The following SNX33 variants were observed in gnomAD, a reference collection of about 807,000 sequenced individuals.
SNX33 encodes sorting nexin-33.
Under a neutral mutation model 38.8 loss-of-function variants are expected in SNX33, and 19 were observed. That is an observed-to-expected ratio of 0.49 (90% confidence interval 0.34 to 0.72). The LOEUF is 0.72. Ranked by LOEUF, SNX33 falls within the 30% of genes least tolerant of loss-of-function variation. SNX33 has a pLI of 0.01. For synonymous variants in SNX33, 246 were observed against 289.7 expected (o/e 0.85, Z 1.53); for missense variants, 641 against 776.4 (o/e 0.83, Z 2.07).
Position 75,648,315 on chromosome 15 carries a change from C to G in SNX33, c.-788C>G. ...GCCTCGTCGCGCCCCCTCCTTCCTC[C>G]GGGGTTGGGGCTGGCCACTTCTGGG... On this transcript the variant is annotated 5_prime_UTR_variant, in exon 1 of 2. Coordinates refer to ENST00000308527, the MANE Select transcript of SNX33 (RefSeq NM_153271.2). The surrounding 1 kb of genome is among the most constrained non-coding windows in gnomAD (Gnocchi z 4.4). 1.0e-6 allele frequency: 1 copy of G among 985,106 alleles called. No homozygotes were observed. Among genetic ancestry groups the G allele is most frequent in the Non-Finnish European group, 1.2e-6 (1 of 829,868 alleles). 61.0% of individuals were successfully genotyped at this position (985,106 alleles called of 1,614,324 possible).
In SNX33 at chr15:75,649,599, G is replaced by A. The variant is rs149404528; in HGVS notation, c.497G>A (p.Arg166Gln). The A allele has an allele frequency of 1.4e-5, 23 of 1,613,724 alleles. No homozygotes were observed. Among genetic ancestry groups the A allele is most frequent in the South Asian group, 5.5e-5 (5 of 91,030 alleles). ...TTCCGGCCCAAGCCACCACTGGAGCGGCAGGACAGCCTGGCATCTGCCAAG... is the reference window on the plus strand; with the variant it reads ...TTCCGGCCCAAGCCACCACTGGAGCAGCAGGACAGCCTGGCATCTGCCAAG... ...MAFRPKPPLE[R>Q]QDSLASAKRG... The change falls in exon 1 of 2, where the codon CGG (arginine) becomes CAG (glutamine). Residue 166 changes from arginine (R) to glutamine (Q), a missense_variant. By Grantham distance (43) the Arg-to-Gln change is conservative (BLOSUM62 1). Transcript: ENST00000308527. This position sits in a 1 kb window ranked among gnomAD's most constrained non-coding sequence, Gnocchi z 6.6.
At position 75,649,793 on chromosome 15, in the gene SNX33, G is replaced by T. The variant is rs777499852; in HGVS notation, c.691G>T (p.Ala231Ser). The T allele has an allele frequency of 1.4e-5, 21 of 1,520,890 alleles. No individual in the cohort carries two copies. The highest frequency in any genetic ancestry group is 1.6e-5 in the Non-Finnish European group (18 of 1,134,050). The allele number at this position is 1,520,890 out of a possible 1,614,324, so 94.2% of individuals were successfully genotyped here. A position where few individuals can be genotyped will look rare whatever the true frequency, so the allele number is the denominator to read the frequency against. ...PQWKANPHPF[A>S]CSVEDPTKQT... is the part of the protein sequence containing the mutation. The stretch of plus-strand genomic sequence containing the variant: ...GTGGAAGGCCAATCCCCACCCATTT[G>T]CCTGCTCTGTGGAGGACCCCACAAA... The change falls in exon 1 of 2, where the codon GCC becomes TCC. Residue 231 changes from alanine to serine, a missense_variant. By Grantham distance (99) the Ala-to-Ser change is moderately conservative (BLOSUM62 1). This residue lies in a region of SNX33 where 398 missense variants were observed against 542.5 expected (regional missense o/e 0.73). Transcript: ENST00000308527. The surrounding 1 kb of genome is among the most constrained non-coding windows in gnomAD (Gnocchi z 6.6).
Position 75,650,977 on chromosome 15 carries a change from T to C in SNX33, c.1471+404T>C, listed in dbSNP as rs1425462794. ...TGCACAGGCCCGGTCTCTGTCCTCA[T>C]GGAGCTTGATATTTACCTTCTTGTC... is the stretch of plus-strand genomic sequence containing the variant. On this transcript the variant is annotated intron_variant, in intron 1 of 1. Coordinates refer to ENST00000308527, the MANE Select transcript of SNX33 (RefSeq NM_153271.2). The surrounding 1 kb of genome is among the most constrained non-coding windows in gnomAD (Gnocchi z 6.1). Among the ~76,000 whole-genome samples the C allele has an allele frequency of 6.6e-6, 1 of 152,238 alleles. No homozygotes were observed. The highest frequency in any genetic ancestry group is 1.9e-4 in the East Asian group (1 of 5,206).
In SNX33 at chr15:75,657,587, G is replaced by A; in HGVS notation, c.*372G>A. The A allele has an allele frequency of 3.2e-6, 1 of 310,358 alleles. No homozygotes were observed. The highest frequency in any genetic ancestry group is 7.1e-5 in the East Asian group (1 of 14,074). 19.2% of individuals were successfully genotyped at this position (310,358 alleles called of 1,614,324 possible). ...AGACACCGAGGCCTGCTGCACCCTT[G>A]GGTCGGATGCTGGGCACCCAGGGCT... On this transcript the variant is annotated 3_prime_UTR_variant, in exon 2 of 2. Transcript: ENST00000308527. This position sits in a 1 kb window ranked among gnomAD's most constrained non-coding sequence, Gnocchi z 5.5.
Position 75,647,916 on chromosome 15 carries a change from T to C in SNX33, c.-1187T>C. Reference sequence around the variant, plus strand: ...AGGACGCCACCTCCCGGAATCGCCTTTTTGTTTTGGAGCTGCCTTCTCGCT... The same window carrying C: ...AGGACGCCACCTCCCGGAATCGCCTCTTTGTTTTGGAGCTGCCTTCTCGCT... On this transcript the variant is annotated 5_prime_UTR_variant, in exon 1 of 2. Coordinates refer to ENST00000308527, the MANE Select transcript of SNX33 (RefSeq NM_153271.2). 9.1e-6 allele frequency: 9 copies of C among 985,258 alleles called. No individual in the cohort carries two copies. Among genetic ancestry groups the C allele is most frequent in the Non-Finnish European group, 1.1e-5 (9 of 829,856 alleles). 61.0% of individuals were successfully genotyped at this position (985,258 alleles called of 1,614,324 possible). A position where few individuals can be genotyped will look rare whatever the true frequency, so the allele number is the denominator to read the frequency against.
rs926066461 is a variant in SNX33, at chr15:75,659,383, A to C, written c.*2168A>C. 1.3e-5 allele frequency: 2 copies of C among 152,500 alleles called. No individual in the cohort carries two copies. The highest frequency in any genetic ancestry group is 2.4e-5 in the African/African-American group (1 of 41,456). The allele number at this position is 152,500 out of a possible 1,614,324, so 9.4% of individuals were successfully genotyped here. A position where few individuals can be genotyped will look rare whatever the true frequency, so the allele number is the denominator to read the frequency against. On this transcript the variant is annotated 3_prime_UTR_variant, in exon 2 of 2. Transcript: ENST00000308527. ...AGGTGCGGTGGGGGAAGGGGCGGGC[A>C]GGACTCCCTGTTCAGGGCATAGCGT...
rs1893520819 is a variant in SNX33 at position 75,648,159 on chromosome 15, G to A, written c.-944G>A. On this transcript the variant is annotated 5_prime_UTR_variant, in exon 1 of 2. Coordinates refer to ENST00000308527, the MANE Select transcript of SNX33 (RefSeq NM_153271.2). This position sits in a 1 kb window ranked among gnomAD's most constrained non-coding sequence, Gnocchi z 4.4. ...GGTCGTAAGTCCCGGGTGAGGAACC[G>A]GTTTCTGCTGGGGTTACCTTTGGAC... The A allele has an allele frequency of 3.0e-6, 3 of 985,618 alleles. No individual in the cohort carries two copies. Among genetic ancestry groups the A allele is most frequent in the African/African-American group, 1.7e-5 (1 of 57,378 alleles). The allele number at this position is 985,618 out of a possible 1,614,324, so 61.1% of individuals were successfully genotyped here.
In SNX33 at chr15:75,657,983, T is replaced by G. The variant is rs1893676930; in HGVS notation, c.*768T>G. On this transcript the variant is annotated 3_prime_UTR_variant, in exon 2 of 2. Transcript: ENST00000308527. This position sits in a 1 kb window ranked among gnomAD's most constrained non-coding sequence, Gnocchi z 5.5. ...GGGATCTCCCTTGCTCCCATGTTGC[T>G]GGCTGTCCGTACATCACCCTGTCCC... The G allele has an allele frequency of 1.3e-5, 2 of 152,706 alleles. No individual in the cohort carries two copies. The highest frequency in any genetic ancestry group is 3.9e-4 in the East Asian group (2 of 5,172). 9.5% of individuals were successfully genotyped at this position (152,706 alleles called of 1,614,324 possible).
chr15:75,648,587 C>T lies in SNX33; in HGVS notation c.-516C>T. On this transcript the variant is annotated 5_prime_UTR_variant, in exon 1 of 2. Transcript: ENST00000308527. The surrounding 1 kb of genome is among the most constrained non-coding windows in gnomAD (Gnocchi z 4.4). Reference sequence around the variant, plus strand: ...GAGGAAGGAGGAAGGGGCAGATCTGCAGAGGAATGTGAGAGCCTCCCAAAG... The same window carrying T: ...GAGGAAGGAGGAAGGGGCAGATCTGTAGAGGAATGTGAGAGCCTCCCAAAG... 1.0e-6 allele frequency: 1 copy of T among 972,570 alleles called. No homozygotes were observed. Among genetic ancestry groups the T allele is most frequent in the Non-Finnish European group, 1.2e-6 (1 of 818,276 alleles). 60.2% of individuals were successfully genotyped at this position (972,570 alleles called of 1,614,324 possible).
intron 1 of SNX33, among the ~76,000 whole-genome samples, chr15:75,655,344 A>T (rs922170642): frequency 2.6e-5 from 4 of 152,176 alleles, no homozygotes; most frequent in Non-Finnish European, 5.9e-5. Flanking sequence ...ACTGGGTCCT[A>T]TCCTGGGCCT....
Position 75,659,917 on chromosome 15 carries a change from C to G in SNX33, c.*2702C>G, listed in dbSNP as rs1357061851. The G allele has an allele frequency of 6.6e-6, 1 of 150,922 alleles. No individual in the cohort carries two copies. The highest frequency in any genetic ancestry group is 2.4e-5 in the African/African-American group (1 of 40,820). The allele number at this position is 150,922 out of a possible 1,614,324, so 9.3% of individuals were successfully genotyped here. On this transcript the variant is annotated 3_prime_UTR_variant, in exon 2 of 2. Coordinates refer to ENST00000308527, the MANE Select transcript of SNX33 (RefSeq NM_153271.2). ...GGCAGGGAGGGAGGCTGTCCTGGCC[C>G]TCCTCTCTCTTTTCTTTCTGCCTCT... is the stretch of plus-strand genomic sequence containing the variant.
Position 75,649,894 on chromosome 15 carries a change from C to T in SNX33, c.792C>T (p.Tyr264=). 2.6e-6 allele frequency: 4 copies of T among 1,557,648 alleles called. No individual in the cohort carries two copies. The highest frequency in any genetic ancestry group is 3.5e-6 in the Non-Finnish European group (4 of 1,154,498). The change falls in exon 1 of 2, where the codon TAC becomes TAT. Residue 264 remains tyrosine (Y), a synonymous_variant. Transcript: ENST00000308527. This position sits in a 1 kb window ranked among gnomAD's most constrained non-coding sequence, Gnocchi z 6.6. ...LTPTHAASPV[Y]RRYKHFDWLY... is the part of the protein sequence containing the mutation. ...CCACCCATGCTGCCTCACCCGTCTACCGGCGCTACAAACACTTTGACTGGC... is the reference window on the plus strand; with the variant it reads ...CCACCCATGCTGCCTCACCCGTCTATCGGCGCTACAAACACTTTGACTGGC...
In SNX33 at chr15:75,649,888, C is replaced by T. The variant is rs1351398409; in HGVS notation, c.786C>T (p.Pro262=). The T allele has an allele frequency of 1.4e-5, 21 of 1,551,062 alleles. No homozygotes were observed. The East Asian group carries it at 2.9e-4, about 22-fold the overall frequency. Residue 262 remains proline, a synonymous_variant, in exon 1 of 2, where the codon CCC becomes CCT. Coordinates refer to ENST00000308527, the MANE Select transcript of SNX33 (RefSeq NM_153271.2). The surrounding 1 kb of genome is among the most constrained non-coding windows in gnomAD (Gnocchi z 6.6). ...YKLTPTHAAS[P]VYRRYKHFDW... is the part of the protein sequence containing the mutation. ...TCACACCCACCCATGCTGCCTCACC[C>T]GTCTACCGGCGCTACAAACACTTTG...
chr15:75,651,794 G>C (rs1041644208), intron 1 of SNX33, among the ~76,000 whole-genome samples: 2 of 152,190 alleles, frequency 1.3e-5, no homozygotes, highest in African/African-American at 4.8e-5. Context: ...GGTTAGACCT[G>C]GCTTGGTGGG....
chr15:75,648,787 G>A lies in SNX33; in HGVS notation c.-316G>A. 3.9e-6 allele frequency: 1 copy of A among 257,362 alleles called. No individual in the cohort carries two copies. Among genetic ancestry groups the A allele is most frequent in the East Asian group, 7.5e-5 (1 of 13,254 alleles). The allele number at this position is 257,362 out of a possible 1,614,324, so 15.9% of individuals were successfully genotyped here. ...CCAGGTCACTTGACTTTTCTTCTGG[G>A]AGTAGGAGTTAGGAGAGATTCCCCT... On this transcript the variant is annotated 5_prime_UTR_variant, in exon 1 of 2. Transcript: ENST00000308527. This position sits in a 1 kb window ranked among gnomAD's most constrained non-coding sequence, Gnocchi z 4.4.
Position 75,650,822 on chromosome 15 carries a change from C to T in SNX33, c.1471+249C>T, listed in dbSNP as rs1358984672. 6.6e-6 allele frequency among the ~76,000 whole-genome samples: 1 copy of T among 152,210 alleles called. No homozygotes were observed. The highest frequency in any genetic ancestry group is 1.9e-4 in the East Asian group (1 of 5,206). On this transcript the variant is annotated intron_variant, in intron 1 of 1. Coordinates refer to ENST00000308527, the MANE Select transcript of SNX33 (RefSeq NM_153271.2). The surrounding 1 kb of genome is among the most constrained non-coding windows in gnomAD (Gnocchi z 6.1). Reference sequence around the variant, plus strand: ...TACAGTGAGCCCGATTGTGCCACTGCACTCCAGCCTGGGTGACAGAGTGAG... The same window carrying T: ...TACAGTGAGCCCGATTGTGCCACTGTACTCCAGCCTGGGTGACAGAGTGAG...
chr15:75,656,840 G>C, intron 1 of SNX33, 122 bp from the exon 2 acceptor site: 2 of 1,442,366 alleles, frequency 1.4e-6, no homozygotes, highest in South Asian at 1.4e-5. Flanking sequence ...CTGGAATGTG[G>C]GTCTGGGGCT....
At position 75,657,333 on chromosome 15, in the gene SNX33, C is replaced by T. The variant is rs1893666691; in HGVS notation, c.*118C>T. 19 of 1,509,800 alleles carry T rather than the reference C, an allele frequency of 1.3e-5. No individual in the cohort carries two copies. Among genetic ancestry groups the T allele is most frequent in the Middle Eastern group, 3.8e-4 (2 of 5,312 alleles). 93.5% of individuals were successfully genotyped at this position (1,509,800 alleles called of 1,614,324 possible). A position where few individuals can be genotyped will look rare whatever the true frequency, so the allele number is the denominator to read the frequency against. On this transcript the variant is annotated 3_prime_UTR_variant, in exon 2 of 2. Coordinates refer to ENST00000308527, the MANE Select transcript of SNX33 (RefSeq NM_153271.2). This position sits in a 1 kb window ranked among gnomAD's most constrained non-coding sequence, Gnocchi z 5.5. Reference sequence around the variant, plus strand: ...AGGGGTCAGCGGTGGGGGAGATAAGCGGCCTGTCCTGCCTCCTGGGAGAAG... The same window carrying T: ...AGGGGTCAGCGGTGGGGGAGATAAGTGGCCTGTCCTGCCTCCTGGGAGAAG...
At position 75,657,447 on chromosome 15, in the gene SNX33, C is replaced by T. The variant is rs926928148; in HGVS notation, c.*232C>T. ...AGGGGTGAGAATAGAGTCAGGAGCCCTCGAGGCCAAGGCCTGGGCTGCCGG... is the reference window on the plus strand; with the variant it reads ...AGGGGTGAGAATAGAGTCAGGAGCCTTCGAGGCCAAGGCCTGGGCTGCCGG... On this transcript the variant is annotated 3_prime_UTR_variant, in exon 2 of 2. Coordinates refer to ENST00000308527, the MANE Select transcript of SNX33 (RefSeq NM_153271.2). This position sits in a 1 kb window ranked among gnomAD's most constrained non-coding sequence, Gnocchi z 5.5. 2.9e-6 allele frequency: 2 copies of T among 686,412 alleles called. No homozygotes were observed. The highest frequency in any genetic ancestry group is 1.8e-5 in the African/African-American group (1 of 55,396). 42.5% of individuals were successfully genotyped at this position (686,412 alleles called of 1,614,324 possible).
Sources: gnomAD v4.1 joint callset for allele counts (sites outside exome capture counted in the v4.1 genomes callset) on GRCh38, gnomAD v4.1.1 for gene constraint, gnomAD v4.1.1 regional missense constraint, Gnocchi (gnomAD v3.1) non-coding constraint, MANE v1.5 for transcripts, NCBI Gene and HGNC (gene_info 2026-07-23, HGNC 2026-07-21) for gene names.